GUCY2F: variants seen among roughly 807,000 people sequenced by gnomAD.
GUCY2F encodes guanylate cyclase 2F, retinal.
Under a neutral mutation model 73.1 loss-of-function variants are expected in GUCY2F, and 61 were observed. The observed-to-expected ratio is 0.83, with a 90% CI of 0.68 to 1.03. The LOEUF is 1.03. GUCY2F is among the 50% of genes least tolerant of loss of function. The pLI, the probability that GUCY2F is intolerant of heterozygous loss-of-function variation, is 0.00. For missense variants in GUCY2F, 912 were observed against 854.3 expected, an observed-to-expected ratio of 1.07 and a Z score of -0.84; for synonymous variants, 331 against 307.8, an observed-to-expected ratio of 1.08 and a Z score of -0.79.
intron 8 of GUCY2F, among the ~76,000 whole-genome samples, chrX:109,415,426 A>G (rs1300000802): frequency 8.9e-6 from 1 of 112,558 alleles, no homozygotes; most frequent in East Asian, 2.8e-4. Context: ...AAGCTTCTGT[A>G]AAATTGTTTG....
At chrX:109,383,763 C>A (rs1202903137) in intron 16 of GUCY2F, among the ~76,000 whole-genome samples, 4 of 112,223 alleles carry the variant, frequency 3.6e-5, no homozygotes, top group African/African-American at 1.3e-4. Context: ...GGGCAAGGTG[C>A]TGTCTACATC....
chrX:109,432,251 T>C (rs1931633157), intron 7 of GUCY2F, among the ~76,000 whole-genome samples: 1 of 111,977 alleles, frequency 8.9e-6, no homozygotes, highest in Non-Finnish European at 1.9e-5. Flanking sequence ...TATGGAACTC[T>C]CCTCACTCAC....
At chrX:109,471,079 A>G (rs1932564765) in intron 2 of GUCY2F, among the ~76,000 whole-genome samples, 1 of 112,135 alleles carries the variant, frequency 8.9e-6, no homozygotes, top group Non-Finnish European at 1.9e-5. Flanking sequence ...AGAATCTTCA[A>G]TAAATGAGAA....
chrX:109,478,011 T>C (rs1350539461), intron 1 of GUCY2F, among the ~76,000 whole-genome samples: 2 of 111,696 alleles, frequency 1.8e-5, no homozygotes, highest in Non-Finnish European at 3.8e-5. Flanking sequence ...GTGTGTGGGA[T>C]GGGGGAGGAC....
chrX:109,430,307 C>G lies in GUCY2F; in HGVS notation c.1791G>C (p.Met597Ile). 1.0e-6 allele frequency: 1 copy of G among 970,815 alleles called. No individual in the cohort carries two copies. Among genetic ancestry groups the G allele is most frequent in the Non-Finnish European group, 1.5e-6 (1 of 680,059 alleles). The allele number at this position is 970,815 out of a possible 1,213,427, so 80.0% of individuals were successfully genotyped here. A position where few individuals can be genotyped will look rare whatever the true frequency, so the allele number is the denominator to read the frequency against. Residue 597 changes from methionine (M) to isoleucine (I), a missense_variant and splice_region_variant, in exon 8 of 20, where the codon ATG (methionine) becomes ATC (isoleucine). Coordinates refer to ENST00000218006, the MANE Select transcript of GUCY2F (RefSeq NM_001522.3). ...TTACATAAACGAAGATTTCTCATAC[C>G]ATTTCGAACACATCACTTGCTCTTG... ...IKSRASDVFE[M>I]MKDLRHENIN...
chrX:109,453,702 T>C lies in GUCY2F; in HGVS notation c.1190A>G (p.Asp397Gly), dbSNP rs1375856873. Reference sequence around the variant, plus strand: ...TTCTGAAATTCCATTTCCATTTGAATCTGTCCTCATCAACTGGTTGAATCC... The same window carrying C: ...TTCTGAAATTCCATTTCCATTTGAACCTGTCCTCATCAACTGGTTGAATCC... ...FHGFNQLMRTDSNGNGISEYV... is the reference protein window; with the variant it reads ...FHGFNQLMRTGSNGNGISEYV... The change falls in exon 4 of 20, where the codon GAT (aspartate) becomes GGT (glycine). Residue 397 changes from aspartate (D) to glycine (G), a missense_variant. Asp to Gly is a moderately conservative substitution (Grantham distance 94). Transcript: ENST00000218006. 2.5e-6 allele frequency: 3 copies of C among 1,203,212 alleles called. No homozygotes were observed. The African/African-American group carries it at 5.3e-5, about 21-fold the overall frequency.
intron 3 of GUCY2F, among the ~76,000 whole-genome samples, chrX:109,456,602 G>A (rs1040124731): frequency 9.0e-6 from 1 of 111,628 alleles, no homozygotes; most frequent in Admixed American, 9.5e-5. Context: ...TCCCCAAGAC[G>A]ACTGAAACCT....
At chrX:109,454,317 G>A (rs1345400326) in intron 3 of GUCY2F, among the ~76,000 whole-genome samples, 4 of 111,794 alleles carry the variant, frequency 3.6e-5, no homozygotes, top group Non-Finnish European at 7.5e-5. Flanking sequence ...TGTCTCCACA[G>A]TCCATGTCTG....
At chrX:109,460,530 A>G (rs764095763) in intron 3 of GUCY2F, among the ~76,000 whole-genome samples, 1 of 111,811 alleles carries the variant, frequency 8.9e-6, no homozygotes, top group African/African-American at 3.2e-5. Context: ...CATTCAAACT[A>G]TCAATCAATA....
intron 16 of GUCY2F, 33 bp from the exon 17 acceptor site, chrX:109,382,245 C>A (rs1930334977): frequency 2.4e-6 from 2 of 840,206 alleles, no homozygotes; most frequent in African/African-American, 4.0e-5. Flanking sequence ...ATTTGGGCTC[C>A]TTTCTCACTG....
In GUCY2F at chrX:109,392,976, A is replaced by C; in HGVS notation, c.2504T>G (p.Leu835Trp). Residue 835 changes from leucine to tryptophan, a missense_variant, in exon 13 of 20, where the codon TTG becomes TGG. Coordinates refer to ENST00000218006, the MANE Select transcript of GUCY2F (RefSeq NM_001522.3). Reference sequence around the variant, plus strand: ...AGTCCGCTCCCGAATCAAATCTTCCAAGTTGCTAGAATATTGCTCCAACAT... The same window carrying C: ...AGTCCGCTCCCGAATCAAATCTTCCCAGTTGCTAGAATATTGCTCCAACAT... ...LRMLEQYSSN[L>W]EDLIRERTEE... 1 of 1,134,879 alleles carries C rather than the reference A, an allele frequency of 8.8e-7. No homozygotes were observed. The allele number at this position is 1,134,879 out of a possible 1,213,427, so 93.5% of individuals were successfully genotyped here. A position where few individuals can be genotyped will look rare whatever the true frequency, so the allele number is the denominator to read the frequency against.
chrX:109,465,963 G>A lies in GUCY2F; in HGVS notation c.731-520C>T, dbSNP rs183678614. ...AGAAGAGAGAATAGTAAGAGAGGATGGGAGATGTTACCACAGCCACTATTG... is the reference window on the plus strand; with the variant it reads ...AGAAGAGAGAATAGTAAGAGAGGATAGGAGATGTTACCACAGCCACTATTG... On this transcript the variant is annotated intron_variant, in intron 2 of 19. Transcript: ENST00000218006. Among the ~76,000 whole-genome samples, 886 of 111,395 alleles carry A rather than the reference G, an allele frequency of 8.0e-3. 10 individuals are homozygous for A. Among genetic ancestry groups the A allele is most frequent in the African/African-American group, 0.028 (849 of 30,631 alleles).
chrX:109,436,319 A>C (rs1231080138), intron 7 of GUCY2F, among the ~76,000 whole-genome samples: 1 of 110,847 alleles, frequency 9.0e-6, no homozygotes, highest in Non-Finnish European at 1.9e-5. Flanking sequence ...AAATAGGAAC[A>C]CTTTTACACT....
intron 19 of GUCY2F, among the ~76,000 whole-genome samples, chrX:109,373,832 A>G (rs956179697): frequency 2.7e-5 from 3 of 112,809 alleles, no homozygotes; most frequent in Non-Finnish European, 5.6e-5. Flanking sequence ...AGATGATACA[A>G]AAACCAGGTT....
At chrX:109,472,713 T>C (rs970391258) in intron 2 of GUCY2F, among the ~76,000 whole-genome samples, 3 of 112,251 alleles carry the variant, frequency 2.7e-5, no homozygotes, top group Non-Finnish European at 3.8e-5. Flanking sequence ...AATTTTCTAA[T>C]GGGACAAAAG....
At chrX:109,406,043 GTC>G (rs1401540845) in intron 9 of GUCY2F, among the ~76,000 whole-genome samples, 1 of 111,599 alleles carries the variant, frequency 9.0e-6, no homozygotes, top group Non-Finnish European at 1.9e-5. Context: ...GCAGAAAAAG[GTC>G]AAGACTATGA....
At chrX:109,424,093 A>G (rs1931429793) in intron 8 of GUCY2F, among the ~76,000 whole-genome samples, 1 of 112,442 alleles carries the variant, frequency 8.9e-6, no homozygotes, top group Non-Finnish European at 1.9e-5. Context: ...CAGCTTGAGC[A>G]TATCATATAC....
chrX:109,457,332 G>A (rs1002781237), intron 3 of GUCY2F, among the ~76,000 whole-genome samples: 3 of 111,487 alleles, frequency 2.7e-5, no homozygotes, highest in South Asian at 3.8e-4. Context: ...ACACAAAACC[G>A]CCTTCCAAAG....
At chrX:109,467,996 C>G (rs1179143257) in intron 2 of GUCY2F, among the ~76,000 whole-genome samples, 1 of 112,098 alleles carries the variant, frequency 8.9e-6, no homozygotes, top group Non-Finnish European at 1.9e-5. Flanking sequence ...CTGGACAACT[C>G]TGAAGGGTCA....
Sources: allele counts gnomAD v4.1 joint callset (sites outside exome capture counted in the v4.1 genomes callset), GRCh38; gene constraint gnomAD v4.1.1; transcripts MANE v1.5; gene names NCBI Gene and HGNC (gene_info 2026-07-23, HGNC 2026-07-21).